The following VWA8 variants were observed in gnomAD, a reference collection of about 807,000 sequenced individuals.
The protein encoded by VWA8 is von Willebrand factor A domain-containing protein 8.
A neutral mutation model predicts 241.5 loss-of-function variants in VWA8; 221 were observed. That is an observed-to-expected ratio of 0.91 (90% CI 0.82 to 1.02). The LOEUF (loss-of-function observed/expected upper bound fraction) is 1.02, where lower values mean the gene tolerates loss of function less well. VWA8 is among the 50% of genes least tolerant of loss of function. The pLI, the probability that VWA8 is intolerant of heterozygous loss-of-function variation, is 0.00. For missense variants in VWA8, 2,322 were observed against 2,328.7 expected (o/e 1.00, Z 0.06); for synonymous variants, 852 against 827.1 (o/e 1.03, Z -0.52).
chr13:41,630,224 CAGA>C lies in VWA8; in HGVS notation c.4612-15143_4612-15141del, dbSNP rs534514431. Reference sequence around the variant, plus strand: ...AATGAATGGTCCATGGTTTGTCTTGCAGAAGTCCTGTCTTCTGGCATAGAAAGG... The same window carrying C: ...AATGAATGGTCCATGGTTTGTCTTGCAGTCCTGTCTTCTGGCATAGAAAGG... On this transcript the variant is annotated intron_variant, in intron 37 of 44. Transcript: ENST00000379310. Among the ~76,000 whole-genome samples, 347 of 152,192 alleles carry C rather than the reference CAGA, an allele frequency of 2.3e-3. 2 individuals are homozygous for C. Among genetic ancestry groups the C allele is most frequent in the African/African-American group, 7.9e-3 (329 of 41,538 alleles).
chr13:41,745,852 T>C (rs1489727713), intron 21 of VWA8, among the ~76,000 whole-genome samples: 1 of 152,206 alleles, frequency 6.6e-6, no homozygotes, highest in East Asian at 1.9e-4. Context: ...GAGTTGTTTT[T>C]ATTTGTATTA....
At chr13:41,756,655 G>A (rs2045696822) in intron 21 of VWA8, among the ~76,000 whole-genome samples, 1 of 151,458 alleles carries the variant, frequency 6.6e-6, no homozygotes, top group African/African-American at 2.4e-5. Flanking sequence ...CATCTCCATG[G>A]TGAAGTGATT....
At chr13:41,726,485 A>G (rs1010557890) in intron 24 of VWA8, among the ~76,000 whole-genome samples, 1 of 152,200 alleles carries the variant, frequency 6.6e-6, no homozygotes, top group African/African-American at 2.4e-5. Flanking sequence ...GGCCTCTCCA[A>G]TCAATGTGAA....
chr13:41,726,990 A>G (rs1441993193), intron 24 of VWA8, among the ~76,000 whole-genome samples: 1 of 152,064 alleles, frequency 6.6e-6, no homozygotes, highest in African/African-American at 2.4e-5. Context: ...GCGAGACTCC[A>G]TCTCGGAAAA....
chr13:41,738,892 T>C (rs1357085704), intron 21 of VWA8, among the ~76,000 whole-genome samples: 2 of 152,198 alleles, frequency 1.3e-5, no homozygotes, highest in African/African-American at 4.8e-5. Flanking sequence ...AACCAGCATG[T>C]GTGGCTGATG....
intron 2 of VWA8, 99 bp downstream of exon 2, chr13:41,949,837 T>G (rs1878040503): frequency 1.7e-6 from 1 of 584,260 alleles, no homozygotes; most frequent in South Asian, 3.7e-5. Flanking sequence ...GATAAAATCA[T>G]TAGGTTTATA....
chr13:41,833,671 A>G (rs1213248471), intron 12 of VWA8, 140 bp from the exon 13 acceptor site: 3 of 1,061,314 alleles, frequency 2.8e-6, no homozygotes, highest in Non-Finnish European at 3.7e-6. Context: ...ATCTTCTCCA[A>G]TTCCTAAAAC....
chr13:41,708,361 TAAAAA>T (rs879272082), intron 26 of VWA8, among the ~76,000 whole-genome samples: 1 of 145,862 alleles, frequency 6.9e-6, no homozygotes, highest in Non-Finnish European at 1.5e-5. Context: ...AATTTGGTCT[TAAAAA>T]AAAAAAATTT....
intron 26 of VWA8, among the ~76,000 whole-genome samples, chr13:41,708,132 C>T (rs983701845): frequency 7.9e-5 from 12 of 151,962 alleles, no homozygotes; most frequent in East Asian, 3.9e-4. Flanking sequence ...CCGAGGCGGG[C>T]GGATCACCTG....
At chr13:41,859,796 T>A (rs961920805) in intron 12 of VWA8, among the ~76,000 whole-genome samples, 1 of 152,180 alleles carries the variant, frequency 6.6e-6, no homozygotes, top group African/African-American at 2.4e-5. Context: ...TTACTTCATA[T>A]GAAATGCAGT....
intron 12 of VWA8, among the ~76,000 whole-genome samples, chr13:41,863,054 T>C (rs1043266408): frequency 1.3e-5 from 2 of 151,930 alleles, no homozygotes; most frequent in African/African-American, 4.8e-5. Context: ...TCTGTGGGGG[T>C]GTTGCCAAAG....
At chr13:41,955,145 T>G (rs1593895958) in intron 1 of VWA8, among the ~76,000 whole-genome samples, 2 of 152,188 alleles carry the variant, frequency 1.3e-5, no homozygotes, top group Non-Finnish European at 2.9e-5. Context: ...CACCTACTAA[T>G]GTGCTTATAA....
intron 40 of VWA8, among the ~76,000 whole-genome samples, chr13:41,600,365 T>C (rs1159047245): frequency 6.6e-6 from 1 of 152,108 alleles, no homozygotes; most frequent in African/African-American, 2.4e-5. Context: ...TCTTGGACAC[T>C]GACACCATGT....
intron 22 of VWA8, 147 bp downstream of exon 22, chr13:41,731,933 A>T: frequency 1.6e-6 from 1 of 624,858 alleles, no homozygotes; most frequent in Non-Finnish European, 2.6e-6. Context: ...CTTTTTCTTT[A>T]TAAATTACCC....
intron 20 of VWA8, among the ~76,000 whole-genome samples, chr13:41,769,239 T>C (rs2045801451): frequency 6.6e-6 from 1 of 152,232 alleles, no homozygotes; most frequent in African/African-American, 2.4e-5. Context: ...TGGGGAAAGC[T>C]GAAAACAGCA....
At chr13:41,587,905 T>C (rs1434418606) in intron 41 of VWA8, among the ~76,000 whole-genome samples, 2 of 152,244 alleles carry the variant, frequency 1.3e-5, no homozygotes, top group African/African-American at 2.4e-5. Flanking sequence ...AATATTTTCC[T>C]TTGGAATATA....
chr13:41,745,415 T>C (rs964617759), intron 21 of VWA8, among the ~76,000 whole-genome samples: 8 of 152,100 alleles, frequency 5.3e-5, no homozygotes, highest in Non-Finnish European at 7.4e-5. Flanking sequence ...TTGTGATACA[T>C]TGCTCACGTA....
intron 21 of VWA8, among the ~76,000 whole-genome samples, chr13:41,738,920 A>C (rs1204559155): frequency 6.6e-6 from 1 of 152,232 alleles, no homozygotes; most frequent in Non-Finnish European, 1.5e-5. Flanking sequence ...TATCCACTGC[A>C]TAAATCTTTA....
chr13:41,710,508 A>G (rs1444704348), intron 26 of VWA8, among the ~76,000 whole-genome samples: 1 of 152,222 alleles, frequency 6.6e-6, no homozygotes, highest in East Asian at 1.9e-4. Flanking sequence ...AGACTATGAC[A>G]ATATAAAACT....
Sources: allele counts gnomAD v4.1 joint callset (sites outside exome capture counted in the v4.1 genomes callset), GRCh38; gene constraint gnomAD v4.1.1; transcripts MANE v1.5; gene names NCBI Gene and HGNC (gene_info 2026-07-23, HGNC 2026-07-21).